The following PCDH7 variants were observed in gnomAD, a reference collection of about 807,000 sequenced individuals.
The protein encoded by PCDH7 is protocadherin-7.
PCDH7 carries 17 observed loss-of-function variants against 58.9 expected under a neutral mutation model. The observed-to-expected ratio is 0.29, with a 90% CI of 0.20 to 0.43. The LOEUF (loss-of-function observed/expected upper bound fraction) is 0.43. PCDH7 is among the 20% of genes least tolerant of loss of function. The pLI is 1.00. For synonymous variants in PCDH7, 664 were observed against 616.4 expected (o/e 1.08, Z -1.14); for missense variants, 1,274 against 1,441.0 (o/e 0.88, Z 1.88).
chr4:30,962,225 T>C (rs1748499350), intron 3 of PCDH7, among the ~76,000 whole-genome samples: 1 of 152,160 alleles, frequency 6.6e-6, no homozygotes, highest in African/African-American at 2.4e-5. Context: ...TAAATAAATG[T>C]TTAATAAGCA....
chr4:31,094,261 T>C (rs1013375585), intron 3 of PCDH7, among the ~76,000 whole-genome samples: 1 of 152,166 alleles, frequency 6.6e-6, no homozygotes, highest in East Asian at 1.9e-4. Flanking sequence ...TTTGTATTTG[T>C]GCAGATCTCT....
At chr4:30,835,308 T>C (rs1730350650) in intron 1 of PCDH7, among the ~76,000 whole-genome samples, 1 of 152,134 alleles carries the variant, frequency 6.6e-6, no homozygotes, top group African/African-American at 2.4e-5. Flanking sequence ...CGAGCATTAC[T>C]GCCTGAGCTC....
chr4:31,013,091 G>C (rs553415661), intron 3 of PCDH7, among the ~76,000 whole-genome samples: 2 of 150,488 alleles, frequency 1.3e-5, no homozygotes, highest in Non-Finnish European at 3.0e-5. Flanking sequence ...AGAGGCTGAG[G>C]CAGGAGGATA....
At chr4:31,001,350 A>G (rs1050593983) in intron 3 of PCDH7, among the ~76,000 whole-genome samples, 3 of 152,130 alleles carry the variant, frequency 2.0e-5, no homozygotes, top group Non-Finnish European at 4.4e-5. Context: ...TTAGTTAAAA[A>G]TTTTCATAAT....
chr4:31,117,796 T>C (rs894172986), intron 3 of PCDH7, among the ~76,000 whole-genome samples: 1 of 152,196 alleles, frequency 6.6e-6, no homozygotes, highest in African/African-American at 2.4e-5. Flanking sequence ...GACTGTGATG[T>C]AGAGGTCAGT....
intron 3 of PCDH7, among the ~76,000 whole-genome samples, chr4:30,957,714 G>A (rs1748004013): frequency 6.6e-6 from 1 of 152,082 alleles, no homozygotes; most frequent in South Asian, 2.1e-4. Flanking sequence ...CATATCGAAT[G>A]TCTTTAAATA....
intron 1 of PCDH7, among the ~76,000 whole-genome samples, chr4:30,862,379 C>A (rs1481340672): frequency 6.6e-6 from 1 of 152,170 alleles, no homozygotes; most frequent in African/African-American, 2.4e-5. Flanking sequence ...ACAGAAAACT[C>A]TCTTGCCATT....
intron 1 of PCDH7, among the ~76,000 whole-genome samples, chr4:30,779,063 C>T (rs1389696747): frequency 8.6e-6 from 1 of 116,934 alleles, no homozygotes; most frequent in Non-Finnish European, 1.6e-5. Context: ...CTGTGTCGTT[C>T]AGGCTGGAGT....
intron 1 of PCDH7, among the ~76,000 whole-genome samples, chr4:30,914,217 C>T (rs771451119): frequency 6.6e-6 from 1 of 152,268 alleles, no homozygotes; most frequent in East Asian, 1.9e-4. Context: ...AGTGTCAGCT[C>T]TAATGCATTT....
chr4:30,743,230 A>G (rs550335495), intron 1 of PCDH7, among the ~76,000 whole-genome samples: 61 of 152,314 alleles, frequency 4.0e-4, no homozygotes, highest in African/African-American at 1.4e-3. Context: ...CAAAAATAGC[A>G]GAGTTACATT....
In PCDH7 at chr4:30,973,227, G is replaced by A. The variant is rs1196172464; in HGVS notation, c.*7+23012G>A. 2.6e-5 allele frequency among the ~76,000 whole-genome samples: 4 copies of A among 152,188 alleles called. 1 individual carries two copies. Among genetic ancestry groups the A allele is most frequent in the African/African-American group, 9.7e-5 (4 of 41,450 alleles). ...TAGATTGAACAGATTTTAGATAGGT[G>A]AAAGGGAGGATGAAAGGTACTACAA... On this transcript the variant is annotated intron_variant, in intron 3 of 3. Transcript: ENST00000509759.
At chr4:30,870,608 T>A (rs1043994877) in intron 1 of PCDH7, among the ~76,000 whole-genome samples, 1 of 152,160 alleles carries the variant, frequency 6.6e-6, no homozygotes, top group African/African-American at 2.4e-5. Context: ...TTAAAGACTA[T>A]CTTTGACAAA....
downstream of PCDH7, among the ~76,000 whole-genome samples, chr4:30,735,933 C>T (rs2109242788): frequency 6.6e-6 from 1 of 152,130 alleles, no homozygotes; most frequent in East Asian, 1.9e-4. Context: ...TTTTTGTTTT[C>T]AGGCTAGAAA....
intron 2 of PCDH7, among the ~76,000 whole-genome samples, chr4:30,946,802 T>C (rs1427017813): frequency 6.6e-6 from 1 of 151,490 alleles, no homozygotes; most frequent in East Asian, 2.0e-4. Context: ...CCACCTCCTG[T>C]GTTCAAGCAT....
chr4:30,784,068 A>G, intron 1 of PCDH7, among the ~76,000 whole-genome samples: 1 of 152,160 alleles, frequency 6.6e-6, no homozygotes, highest in African/African-American at 2.4e-5. Context: ...GACTTGACTG[A>G]AAGATTGGTT....
At chr4:30,867,596 A>T (rs1735033590) in intron 1 of PCDH7, among the ~76,000 whole-genome samples, 1 of 152,030 alleles carries the variant, frequency 6.6e-6, no homozygotes, top group South Asian at 2.1e-4. Flanking sequence ...GGATTTAGAC[A>T]TCCGTGGATT....
At chr4:30,935,079 A>G (rs1320395886) in intron 2 of PCDH7, among the ~76,000 whole-genome samples, 1 of 152,120 alleles carries the variant, frequency 6.6e-6, no homozygotes, top group Non-Finnish European at 1.5e-5. Flanking sequence ...TTATAGATAC[A>G]TTATTACTGA....
intron 1 of PCDH7, among the ~76,000 whole-genome samples, chr4:30,770,688 A>G (rs1259972471): frequency 1.3e-5 from 2 of 152,182 alleles, no homozygotes; most frequent in East Asian, 3.9e-4. Context: ...CAAAATTCCT[A>G]TTAAGTACAT....
intron 1 of PCDH7, among the ~76,000 whole-genome samples, chr4:30,755,590 T>TG (rs1719188192): frequency 1.3e-5 from 2 of 152,116 alleles, no homozygotes. Flanking sequence ...ACTCCTGTAG[T>TG]TATCATAACA....
Sources: allele counts gnomAD v4.1 joint callset (sites outside exome capture counted in the v4.1 genomes callset), GRCh38; gene constraint gnomAD v4.1.1; transcripts MANE v1.5; gene names NCBI Gene and HGNC (gene_info 2026-07-23, HGNC 2026-07-21).